KCNIP4: variants seen among roughly 807,000 people sequenced by gnomAD.
KCNIP4 encodes the protein potassium voltage-gated channel interacting protein 4.
KCNIP4 carries 12 observed loss-of-function variants against 34.0 expected under a neutral mutation model. The observed-to-expected ratio is 0.35, with a 90% confidence interval of 0.23 to 0.57. The LOEUF is 0.57. KCNIP4 is among the 20% of genes least tolerant of loss of function. KCNIP4 has a pLI of 0.83. For missense variants in KCNIP4, 238 were observed against 311.7 expected, an observed-to-expected ratio of 0.76 and a Z score of 1.78; for synonymous variants, 124 against 102.2, an observed-to-expected ratio of 1.21 and a Z score of -1.29.
Position 21,808,606 on chromosome 4 carries a change from T to C in KCNIP4, c.61+139965A>G, listed in dbSNP as rs566297102. On this transcript the variant is annotated intron_variant, in intron 1 of 8. Transcript: ENST00000382152. ...AGTTTTGAGGGGGAGTCAAAACTTA[T>C]ATATGGATTTTTGCCTACATTGGGG... Among the ~76,000 whole-genome samples the C allele has an allele frequency of 9.3e-4, 142 of 152,298 alleles. 1 individual carries two copies. The highest frequency in any genetic ancestry group is 1.8e-3 in the Non-Finnish European group (120 of 68,026).
chr4:21,234,049 AAC>A (rs1359202598), intron 1 of KCNIP4, among the ~76,000 whole-genome samples: 1 of 114,704 alleles, frequency 8.7e-6, no homozygotes, highest in Middle Eastern at 8.8e-3. Flanking sequence ...TAACATATAT[AAC>A]ACATAACATA....
At chr4:21,251,596 T>C (rs1055879539) in intron 1 of KCNIP4, among the ~76,000 whole-genome samples, 1 of 152,154 alleles carries the variant, frequency 6.6e-6, no homozygotes, top group Non-Finnish European at 1.5e-5. Flanking sequence ...TTTTTGAAAC[T>C]TAAAATGTTT....
intron 1 of KCNIP4, among the ~76,000 whole-genome samples, chr4:21,880,233 A>AT (rs1003801053): frequency 6.6e-6 from 1 of 152,178 alleles, no homozygotes; most frequent in Non-Finnish European, 1.5e-5. Flanking sequence ...TTCATCATAT[A>AT]TTTTTTATTA....
chr4:21,288,888 G>A (rs1763275839), intron 1 of KCNIP4, among the ~76,000 whole-genome samples: 1 of 152,054 alleles, frequency 6.6e-6, no homozygotes, highest in African/African-American at 2.4e-5. Flanking sequence ...CATCCATATT[G>A]CTCCAAAGGA....
In KCNIP4 at chr4:20,735,845, T is replaced by C. The variant is rs141199536; in HGVS notation, c.430-1110A>G. Among the ~76,000 whole-genome samples, 145 of 152,274 alleles carry C rather than the reference T, an allele frequency of 9.5e-4. 1 individual carries two copies. The East Asian group carries it at 0.027, about 28-fold the overall frequency. Reference sequence around the variant, plus strand: ...CCACCACGCCTGGCCAGATTTCTTGTTGTTATGTACAGCAGGGTTAACGTT... The same window carrying C: ...CCACCACGCCTGGCCAGATTTCTTGCTGTTATGTACAGCAGGGTTAACGTT... On this transcript the variant is annotated intron_variant, in intron 5 of 8. Transcript: ENST00000382152.
intron 1 of KCNIP4, among the ~76,000 whole-genome samples, chr4:21,264,405 C>CA (rs1226313202): frequency 6.6e-6 from 1 of 152,044 alleles, no homozygotes; most frequent in African/African-American, 2.4e-5. Context: ...ACAACACTGG[C>CA]ATGGAGATGA....
At chr4:20,854,391 T>A (rs1721356801) in intron 2 of KCNIP4, among the ~76,000 whole-genome samples, 1 of 152,280 alleles carries the variant, frequency 6.6e-6, no homozygotes, top group Admixed American at 6.5e-5. Context: ...AACTCAAGAA[T>A]GGAAAACCAA....
At chr4:21,691,242 A>G (rs1711599175) in intron 1 of KCNIP4, among the ~76,000 whole-genome samples, 1 of 152,188 alleles carries the variant, frequency 6.6e-6, no homozygotes, top group East Asian at 1.9e-4. Context: ...AAACTCTGAA[A>G]GTAGGAGGAA....
At chr4:21,791,518 G>T (rs1190886307) in intron 1 of KCNIP4, among the ~76,000 whole-genome samples, 3 of 152,112 alleles carry the variant, frequency 2.0e-5, no homozygotes, top group South Asian at 4.1e-4. Context: ...CCTGTTCACT[G>T]CAGAAAACAA....
chr4:21,443,804 G>C (rs558096480), intron 1 of KCNIP4, among the ~76,000 whole-genome samples: 3 of 152,204 alleles, frequency 2.0e-5, no homozygotes, highest in South Asian at 4.2e-4. Context: ...ATAGTCATTT[G>C]TGCCTGAAGG....
Position 21,093,146 on chromosome 4 carries a change from GA to G in KCNIP4, c.62-210438del, listed in dbSNP as rs151234159. On this transcript the variant is annotated intron_variant, in intron 1 of 8. Coordinates refer to ENST00000382152, the MANE Select transcript of KCNIP4 (RefSeq NM_025221.6). ...CCTTCCTAATAAAACCATTAAGGTT[GA>G]GCAGGCAACATTGTTTAGAAGAACA... Among the ~76,000 whole-genome samples the G allele has an allele frequency of 1.8e-3, 279 of 152,252 alleles. 1 individual carries two copies. Among genetic ancestry groups the G allele is most frequent in the African/African-American group, 6.2e-3 (259 of 41,528 alleles).
chr4:20,866,352 C>T (rs1722874794), intron 2 of KCNIP4, among the ~76,000 whole-genome samples: 1 of 152,054 alleles, frequency 6.6e-6, no homozygotes, highest in Non-Finnish European at 1.5e-5. Flanking sequence ...GTTGGTTCAA[C>T]ATATGCAAAT....
chr4:21,506,382 C>T (rs547876989), intron 1 of KCNIP4, among the ~76,000 whole-genome samples: 1 of 152,302 alleles, frequency 6.6e-6, no homozygotes, highest in South Asian at 2.1e-4. Context: ...CAGTACTTGT[C>T]TCACTGGATT....
chr4:20,806,103 G>A (rs575239156), intron 3 of KCNIP4, among the ~76,000 whole-genome samples: 1 of 151,636 alleles, frequency 6.6e-6, no homozygotes, highest in African/African-American at 2.4e-5. Flanking sequence ...TATATTCTTT[G>A]CCTGTTCTAC....
chr4:21,576,006 T>C (rs1354414601), intron 1 of KCNIP4, among the ~76,000 whole-genome samples: 1 of 152,154 alleles, frequency 6.6e-6, no homozygotes, highest in Admixed American at 6.6e-5. Flanking sequence ...CGTATACTTC[T>C]TAGGGCTCAC....
chr4:21,286,870 C>T (rs1763155240), intron 1 of KCNIP4, among the ~76,000 whole-genome samples: 1 of 152,096 alleles, frequency 6.6e-6, no homozygotes, highest in African/African-American at 2.4e-5. Flanking sequence ...CATGTTCTTT[C>T]CATTCTTCCA....
At chr4:21,118,659 T>G (rs933160032) in intron 1 of KCNIP4, among the ~76,000 whole-genome samples, 16 of 152,164 alleles carry the variant, frequency 1.1e-4, no homozygotes, top group African/African-American at 3.6e-4. Flanking sequence ...TGCAAGTGGG[T>G]GGTGGGGGGT....
At chr4:21,829,284 T>C (rs1463714740) in intron 1 of KCNIP4, among the ~76,000 whole-genome samples, 2 of 151,990 alleles carry the variant, frequency 1.3e-5, no homozygotes, top group African/African-American at 2.4e-5. Context: ...GTCAAACCAT[T>C]GTATGTCAGA....
chr4:21,504,475 A>AAAAAAAAAAAAAGAAAG (rs1264431211), intron 1 of KCNIP4, among the ~76,000 whole-genome samples: 1 of 101,854 alleles, frequency 9.8e-6, no homozygotes, highest in African/African-American at 3.9e-5. Flanking sequence ...CAAAAAAAAA[A>AAAAAAAAAAAAAGAAAG]AAAGAAAGAA....
Sources: gnomAD v4.1 joint callset for allele counts (sites outside exome capture counted in the v4.1 genomes callset) on GRCh38, gnomAD v4.1.1 for gene constraint, MANE v1.5 for transcripts, NCBI Gene and HGNC (gene_info 2026-07-23, HGNC 2026-07-21) for gene names.